Variants in AMZ1 observed in about 807,000 individuals in gnomAD.
The protein encoded by AMZ1 is archaemetzincin-1.
Under a neutral mutation model 29.9 loss-of-function variants are expected in AMZ1, and 39 were observed. That is an observed-to-expected ratio of 1.30 (90% CI 1.01 to 1.70). The LOEUF is 1.70. AMZ1 is among the 40% of genes most tolerant of loss of function. The pLI is 0.00. For synonymous variants in AMZ1, 458 were observed against 304.0 expected, an observed-to-expected ratio of 1.51 and a Z score of -5.27; for missense variants, 1,041 against 680.6, an observed-to-expected ratio of 1.53 and a Z score of -5.89.
At chr7:2,756,275 G>A (rs905247131) in intron 4 of AMZ1, among the ~76,000 whole-genome samples, 5 of 152,034 alleles carry the variant, frequency 3.3e-5, no homozygotes, top group Non-Finnish European at 7.4e-5. Context: ...TCATTTGGAG[G>A]ATCAGAAAAT....
intron 4 of AMZ1, among the ~76,000 whole-genome samples, chr7:2,733,058 ATT>A (rs1373194012): frequency 6.6e-6 from 1 of 152,196 alleles, no homozygotes; most frequent in Non-Finnish European, 1.5e-5. Flanking sequence ...ACTCTAAAAT[ATT>A]CTCTGCATTT....
upstream of AMZ1, among the ~76,000 whole-genome samples, chr7:2,760,002 G>A (rs1244779585): frequency 8.5e-5 from 13 of 152,214 alleles, no homozygotes; most frequent in Admixed American, 8.5e-4. Flanking sequence ...GCATAAAAAT[G>A]ACAGGAACAC....
Position 2,759,173 on chromosome 7 carries a change from AAATAAATAAATAAAT to A in AMZ1, n.551-5536_551-5522del, listed in dbSNP as rs1382750674. Among the ~76,000 whole-genome samples, 661 of 149,556 alleles carry A rather than the reference AAATAAATAAATAAAT, an allele frequency of 4.4e-3. 8 individuals are homozygous for A. Among genetic ancestry groups the A allele is most frequent in the African/African-American group, 0.015 (625 of 40,450 alleles). ...TAAATAAATAAATAAATAAATAAAT[AAATAAATAAATAAAT>A]AAAATAAAAATAAAAACCCCATGAT... On this transcript the variant is annotated intron_variant and non_coding_transcript_variant, in intron 4 of 4. Coordinates refer to the AMZ1 transcript ENST00000489665.
Position 2,741,890 on chromosome 7 carries a change from G to A in AMZ1, n.551-22822G>A, listed in dbSNP as rs538623358. ...TCATAATTACCACGTATTAGACACC[G>A]AGGTTTATCTAATATATACAGATAC... is the stretch of plus-strand genomic sequence containing the variant. On this transcript the variant is annotated intron_variant and non_coding_transcript_variant, in intron 4 of 4. Coordinates refer to the AMZ1 transcript ENST00000489665. 1.1e-4 allele frequency among the ~76,000 whole-genome samples: 17 copies of A among 150,972 alleles called. 1 individual carries two copies. In the South Asian group the frequency reaches 3.2e-3, roughly 28 times the overall value.
At chr7:2,758,828 G>C (rs1791421477) in intron 4 of AMZ1, among the ~76,000 whole-genome samples, 2 of 152,188 alleles carry the variant, frequency 1.3e-5, no homozygotes, top group Admixed American at 1.3e-4. Flanking sequence ...GGATATGAGA[G>C]GGTTATCACC....
At chr7:2,727,929 C>T (rs1252320883) in intron 4 of AMZ1, among the ~76,000 whole-genome samples, 3 of 148,300 alleles carry the variant, frequency 2.0e-5, no homozygotes, top group Admixed American at 6.8e-5. Context: ...TGGTGGCGGG[C>T]GCCTGTAGAC....
intron 1 of AMZ1, among the ~76,000 whole-genome samples, chr7:2,690,221 G>GAGAC (rs369423795): frequency 1.8e-4 from 27 of 152,120 alleles, no homozygotes; most frequent in South Asian, 8.3e-4. Context: ...GAGAGAGAGA[G>GAGAC]AGACAGACAG....
rs1425130409 is a variant in AMZ1 at position 2,717,073 on chromosome 7, C to A, written c.*4195C>A. On this transcript the variant is annotated 3_prime_UTR_variant, in exon 7 of 7. Transcript: ENST00000683327. Reference sequence around the variant, plus strand: ...TCCCTGAGCAGCCCCCACACACCGGCACCCACGCCCCTCGGTTCTGATAAC... The same window carrying A: ...TCCCTGAGCAGCCCCCACACACCGGAACCCACGCCCCTCGGTTCTGATAAC... Among the ~76,000 whole-genome samples, 1 of 152,192 alleles carries A rather than the reference C, an allele frequency of 6.6e-6. No homozygotes were observed. The highest frequency in any genetic ancestry group is 1.5e-5 in the Non-Finnish European group (1 of 68,040).
At chr7:2,763,827 C>G (rs1791688957), upstream of AMZ1, among the ~76,000 whole-genome samples, 1 of 152,214 alleles carries the variant, frequency 6.6e-6, no homozygotes, top group Admixed American at 6.5e-5. Flanking sequence ...GACCTCTGCA[C>G]TGAGATCCCC....
intron 4 of AMZ1, among the ~76,000 whole-genome samples, chr7:2,748,994 T>A (rs889567281): frequency 5.3e-5 from 8 of 152,138 alleles, no homozygotes; most frequent in African/African-American, 1.9e-4. Flanking sequence ...TGGTGATCAT[T>A]AAAAAGTCAG....
intron 1 of AMZ1, among the ~76,000 whole-genome samples, chr7:2,694,943 G>A (rs1375781257): frequency 6.6e-6 from 1 of 152,208 alleles, no homozygotes; most frequent in African/African-American, 2.4e-5. Flanking sequence ...AAGGTGCTGG[G>A]ATTCCAGGCG....
Position 2,708,453 on chromosome 7 carries a change from G to A in AMZ1, c.473-135G>A, listed in dbSNP as rs146105952. On this transcript the variant is annotated intron_variant, in intron 3 of 6. Coordinates refer to ENST00000683327, the MANE Select transcript of AMZ1 (RefSeq NM_001384743.1). ...TGTGTGCCCTCAGGTCACACCAAACGCTGGTGGCCCACACCTGACTTGGGA... is the reference window on the plus strand; with the variant it reads ...TGTGTGCCCTCAGGTCACACCAAACACTGGTGGCCCACACCTGACTTGGGA... The A allele has an allele frequency of 2.2e-6, 3 of 1,355,682 alleles. No homozygotes were observed. In the South Asian group the frequency reaches 4.2e-5, roughly 19 times the overall value. The allele number at this position is 1,355,682 out of a possible 1,614,324, so 84.0% of individuals were successfully genotyped here. A position where few individuals can be genotyped will look rare whatever the true frequency, so the allele number is the denominator to read the frequency against.
chr7:2,728,401 A>G (rs1789718946), intron 4 of AMZ1: 1 of 152,268 alleles, frequency 6.6e-6, no homozygotes, highest in Non-Finnish European at 1.5e-5. Flanking sequence ...AAGAAGTAGG[A>G]AAATTACAAT....
intron 4 of AMZ1, among the ~76,000 whole-genome samples, chr7:2,737,269 G>GTTTTTTTTTTTTTTTTTTTTTTTTTT (rs1317020597): frequency 2.6e-5 from 1 of 38,110 alleles, no homozygotes; most frequent in African/African-American, 9.4e-5. Flanking sequence ...TCACAGTTTT[G>GTTTTTTTTTTTTTTTTTTTTTTTTTT]TTTTGTTTTT....
At chr7:2,688,590 C>T (rs1370288178) in intron 1 of AMZ1, among the ~76,000 whole-genome samples, 1 of 152,214 alleles carries the variant, frequency 6.6e-6, no homozygotes, top group African/African-American at 2.4e-5. Context: ...TCTCCCAGGC[C>T]AGGGCGACCT....
At chr7:2,709,051 G>A (rs113338257) in intron 4 of AMZ1, 24 bp from the exon 5 acceptor site, 27,534 of 1,546,332 alleles carry the variant, frequency 0.018, 522 homozygotes, top group African/African-American at 0.098. Context: ...CCCTGAGAGT[G>A]CCCTTCTCTC....
At chr7:2,681,052 C>T (rs1786864993) in intron 1 of AMZ1, among the ~76,000 whole-genome samples, 1 of 152,232 alleles carries the variant, frequency 6.6e-6, no homozygotes, top group South Asian at 2.1e-4. Context: ...GCTTCCCTGC[C>T]CACGGATGCC....
intron 4 of AMZ1, among the ~76,000 whole-genome samples, chr7:2,744,606 G>C (rs1583225169): frequency 1.3e-5 from 2 of 152,152 alleles, no homozygotes; most frequent in South Asian, 4.1e-4. Context: ...CTAAAAATCA[G>C]AGCACCTCTC....
chr7:2,707,795 C>A (rs962663260), intron 3 of AMZ1, among the ~76,000 whole-genome samples: 1 of 151,384 alleles, frequency 6.6e-6, no homozygotes, highest in Non-Finnish European at 1.5e-5. Flanking sequence ...CTCACCCAGA[C>A]CCCCTGCTGC....
Sources: gnomAD v4.1 joint callset for allele counts (sites outside exome capture counted in the v4.1 genomes callset) on GRCh38, gnomAD v4.1.1 for gene constraint, MANE v1.5 for transcripts, NCBI Gene and HGNC (gene_info 2026-07-23, HGNC 2026-07-21) for gene names.